GALNT13: variants seen among roughly 807,000 people sequenced by gnomAD.
The protein encoded by GALNT13 is UDP-GalNAc:polypeptide N-acetylgalactosaminyltransferase 13.
In GALNT13, 28 loss-of-function variants were observed where a neutral mutation model predicts 64.2. That is an observed-to-expected ratio of 0.44 (90% CI 0.32 to 0.60). GALNT13 has a LOEUF of 0.60. Ranked by LOEUF, GALNT13 falls within the 20% of genes least tolerant of loss-of-function variation. GALNT13 has a pLI of 0.05. For missense variants in GALNT13, 577 were observed against 669.8 expected (o/e 0.86, Z 1.53); for synonymous variants, 214 against 224.6 (o/e 0.95, Z 0.42).
At chr2:154,038,738 G>C (rs892652701) in intron 3 of GALNT13, among the ~76,000 whole-genome samples, 2 of 152,020 alleles carry the variant, frequency 1.3e-5, no homozygotes, top group Non-Finnish European at 2.9e-5. Context: ...GAAAGCATAG[G>C]CATCAAAACA....
chr2:153,307,883 A>C, the GALNT13 span, among the ~76,000 whole-genome samples: 2 of 152,162 alleles, frequency 1.3e-5, no homozygotes, highest in Non-Finnish European at 2.9e-5. Flanking sequence ...TCATCTATTC[A>C]GATGTATAAA....
At chr2:153,153,305 T>C in the GALNT13 span, among the ~76,000 whole-genome samples, 1 of 152,138 alleles carries the variant, frequency 6.6e-6, no homozygotes, top group Non-Finnish European at 1.5e-5. Flanking sequence ...TATTAGACTT[T>C]GTTGGGTGCC....
At chr2:153,485,332 T>C in the GALNT13 span, among the ~76,000 whole-genome samples, 6 of 152,216 alleles carry the variant, frequency 3.9e-5, no homozygotes, top group Non-Finnish European at 8.8e-5. Context: ...GTAGATAACT[T>C]TCATCTGTGA....
chr2:153,625,886 T>A, the GALNT13 span, among the ~76,000 whole-genome samples: 1 of 152,004 alleles, frequency 6.6e-6, no homozygotes, highest in Admixed American at 6.6e-5. Context: ...GTAATACAAG[T>A]GAGAAATGTT....
At chr2:154,042,299 AG>A (rs1356804016) in intron 3 of GALNT13, among the ~76,000 whole-genome samples, 1 of 139,570 alleles carries the variant, frequency 7.2e-6, no homozygotes, top group Non-Finnish European at 1.6e-5. Context: ...CAGTCACCTT[AG>A]AAATATGTGC....
At chr2:153,874,202 A>G (rs1018567548) in intron 1 of GALNT13, among the ~76,000 whole-genome samples, 1 of 149,634 alleles carries the variant, frequency 6.7e-6, no homozygotes, top group African/African-American at 2.5e-5. Flanking sequence ...GGTCTGGAGA[A>G]TTTGCGTAGC....
chr2:153,206,076 T>C, the GALNT13 span, among the ~76,000 whole-genome samples: 2 of 152,074 alleles, frequency 1.3e-5, no homozygotes, highest in South Asian at 4.1e-4. Context: ...AAAGAAAGAA[T>C]AGTATGATTC....
At chr2:153,375,359 G>A in the GALNT13 span, among the ~76,000 whole-genome samples, 3 of 152,068 alleles carry the variant, frequency 2.0e-5, no homozygotes, top group Non-Finnish European at 4.4e-5. Flanking sequence ...TTCACTTACG[G>A]ATAAATGGCA....
At chr2:154,243,246 G>A (rs1481363024) in intron 6 of GALNT13, among the ~76,000 whole-genome samples, 2 of 152,114 alleles carry the variant, frequency 1.3e-5, no homozygotes, top group African/African-American at 4.8e-5. Flanking sequence ...CTGTGAGGTA[G>A]GTACTGTAGA....
chr2:154,366,795 G>A (rs1475564285), intron 9 of GALNT13, among the ~76,000 whole-genome samples: 3 of 152,114 alleles, frequency 2.0e-5, no homozygotes, highest in South Asian at 4.1e-4. Flanking sequence ...AGGGAAGGCG[G>A]AAAGTATAGT....
At chr2:154,253,773 A>G (rs1466889928) in intron 7 of GALNT13, among the ~76,000 whole-genome samples, 1 of 152,256 alleles carries the variant, frequency 6.6e-6, no homozygotes. Flanking sequence ...TTGGAATTTC[A>G]GAAATAAAAT....
intron 3 of GALNT13, among the ~76,000 whole-genome samples, chr2:154,097,624 T>C (rs1310092705): frequency 1.3e-5 from 2 of 152,024 alleles, no homozygotes; most frequent in African/African-American, 4.8e-5. Flanking sequence ...TCATAATTTT[T>C]ATTAAATATA....
At chr2:154,195,557 A>G (rs1462303518) in intron 4 of GALNT13, among the ~76,000 whole-genome samples, 2 of 152,098 alleles carry the variant, frequency 1.3e-5, no homozygotes, top group Non-Finnish European at 2.9e-5. Flanking sequence ...AACTTTAATC[A>G]TATTATTCTG....
intron 11 of GALNT13, among the ~76,000 whole-genome samples, chr2:154,425,401 C>T (rs1403479658): frequency 1.3e-5 from 2 of 152,110 alleles, no homozygotes; most frequent in East Asian, 3.9e-4. Context: ...TTTACATTTA[C>T]ATGCTTAGAT....
At chr2:154,252,361 T>TTA in intron 7 of GALNT13, among the ~76,000 whole-genome samples, 1 of 73,818 alleles carries the variant, frequency 1.4e-5, no homozygotes, top group East Asian at 3.7e-4. Flanking sequence ...ATTATTATTA[T>TTA]TTTTTTTTTT....
chr2:153,635,398 GTATA>G, the GALNT13 span, among the ~76,000 whole-genome samples: 4,077 of 117,116 alleles, frequency 0.035, 79 homozygotes, highest in African/African-American at 0.05. Context: ...CAGTAAATAT[GTATA>G]TATATATATA....
At chr2:154,051,148 C>A (rs1421931583) in intron 3 of GALNT13, among the ~76,000 whole-genome samples, 4 of 152,120 alleles carry the variant, frequency 2.6e-5, no homozygotes, top group Admixed American at 2.6e-4. Context: ...TAGTGGAAAT[C>A]AGAAGATAAT....
chr2:153,161,548 G>A, the GALNT13 span, among the ~76,000 whole-genome samples: 1 of 152,084 alleles, frequency 6.6e-6, no homozygotes, highest in South Asian at 2.1e-4. Context: ...TGATATTAAG[G>A]TAAGAGTTCA....
At chr2:153,976,913 T>C (rs6748364) in intron 3 of GALNT13, among the ~76,000 whole-genome samples, 74,930 of 151,842 alleles carry the variant, frequency 0.49, 19,099 homozygotes, top group East Asian at 0.83. Flanking sequence ...GAAATAATAA[T>C]TGAAATAATT....
Sources: gnomAD v4.1 joint callset for allele counts (sites outside exome capture counted in the v4.1 genomes callset) on GRCh38, gnomAD v4.1.1 for gene constraint, MANE v1.5 for transcripts, NCBI Gene and HGNC (gene_info 2026-07-23, HGNC 2026-07-21) for gene names.